The following ADGRG1 variants were observed in gnomAD, a reference collection of about 807,000 sequenced individuals.
ADGRG1 encodes the protein adhesion G protein-coupled receptor G1, also known as 7-transmembrane protein with no EGF-like N-terminal domains-1.
Under a neutral mutation model 73.5 loss-of-function variants are expected in ADGRG1, and 53 were observed. The ratio of observed to expected loss-of-function variants is 0.72; its 90% CI spans 0.58 to 0.91. The LOEUF (loss-of-function observed/expected upper bound fraction) is 0.91. Among genes scored for constraint, ADGRG1 ranks in the 40% least tolerant of loss-of-function variants. ADGRG1 has a pLI of 0.00. For synonymous variants in ADGRG1, 394 were observed against 374.4 expected (o/e 1.05, Z -0.60); for missense variants, 795 against 871.8 (o/e 0.91, Z 1.11).
intron 1 of ADGRG1, chr16:57,631,840 T>G: frequency 1.0e-6 from 1 of 982,250 alleles, no homozygotes; most frequent in African/African-American, 1.7e-5. Context: ...CTGGGGCTCC[T>G]TGAGGCCCCC....
chr16:57,622,334 T>C (rs1308132837), intron 2 of ADGRG1, among the ~76,000 whole-genome samples: 3 of 151,930 alleles, frequency 2.0e-5, no homozygotes, highest in African/African-American at 7.3e-5. Flanking sequence ...CTGGGTGGCG[T>C]CTAGGTGGAG....
rs141056936 is a variant in ADGRG1 at position 57,655,431 on chromosome 16, G to C, written c.801G>C (p.Val267=). 6.3e-5 allele frequency: 102 copies of C among 1,613,594 alleles called. No individual in the cohort carries two copies. The highest frequency in any genetic ancestry group is 7.5e-5 in the Non-Finnish European group (89 of 1,180,018). The stretch of plus-strand genomic sequence containing the variant: ...AGAGCGAGATCATGGAGTACTCGGT[G>C]CTGCTGCCTCGAACACTCTTCCAGA... ...EEQSEIMEYS[V]LLPRTLFQRT... is the part of the protein sequence containing the mutation. The change falls in exon 6 of 14, where the codon GTG becomes GTC. Residue 267 remains valine, a synonymous_variant. Coordinates refer to ENST00000562631, the MANE Select transcript of ADGRG1 (RefSeq NM_201525.4).
At chr16:57,630,288 C>A in intron 1 of ADGRG1, 1 of 853,148 alleles carries the variant, frequency 1.2e-6, no homozygotes, top group African/African-American at 1.8e-5. Flanking sequence ...GTTGGCTCCC[C>A]AGAGCCCAGG....
chr16:57,636,648 G>T, intron 1 of ADGRG1: 1 of 985,218 alleles, frequency 1.0e-6, no homozygotes, highest in Non-Finnish European at 1.2e-6. Flanking sequence ...GTATCTATCA[G>T]GAATGGCTCC....
chr16:57,636,871 G>A (rs2147545262), intron 1 of ADGRG1: 1 of 171,208 alleles, frequency 5.8e-6, no homozygotes, highest in South Asian at 1.9e-4. Context: ...TCAATGTTGG[G>A]TGCCAATACG....
At chr16:57,642,617 C>T (rs1316478523) in intron 1 of ADGRG1, 1 of 983,032 alleles carries the variant, frequency 1.0e-6, no homozygotes, top group African/African-American at 1.7e-5. Context: ...TAATATACAA[C>T]AGAAAGTATG....
At chr16:57,643,895 TG>T in intron 1 of ADGRG1, 5 of 255,114 alleles carry the variant, frequency 2.0e-5, no homozygotes, top group Non-Finnish European at 2.2e-5. Context: ...GGCTGAGGGG[TG>T]GGGGGACTGG....
chr16:57,656,123 C>G, intron 7 of ADGRG1, 103 bp from the exon 8 acceptor site: 1 of 1,613,078 alleles, frequency 6.2e-7, no homozygotes, highest in Non-Finnish European at 8.5e-7. Flanking sequence ...CCAAATGGGG[C>G]GGGTGGTGGC....
intron 1 of ADGRG1, chr16:57,641,313 G>C: frequency 1.0e-6 from 1 of 985,426 alleles, no homozygotes; most frequent in African/African-American, 1.7e-5. Context: ...ACTGACTGGT[G>C]TGTGCCCTGG....
chr16:57,660,030 C>A (rs1275495510), intron 11 of ADGRG1, among the ~76,000 whole-genome samples: 1 of 152,194 alleles, frequency 6.6e-6, no homozygotes, highest in Admixed American at 6.5e-5. Flanking sequence ...TCATTTAATT[C>A]ACTCGGGCTG....
chr16:57,650,445 A>G, intron 2 of ADGRG1, 94 bp downstream of exon 2: 1 of 1,605,934 alleles, frequency 6.2e-7, no homozygotes, highest in Non-Finnish European at 8.5e-7. Context: ...TAACTCCTTT[A>G]GGCAGTTACA....
chr16:57,650,495 C>T (rs1020757519), intron 2 of ADGRG1, 144 bp downstream of exon 2: 23 of 1,469,536 alleles, frequency 1.6e-5, no homozygotes, highest in Admixed American at 1.1e-4. Context: ...AAGCAAAAGA[C>T]ACTCCTTCCT....
At chr16:57,638,798 G>A (rs1424400484) in intron 1 of ADGRG1, among the ~76,000 whole-genome samples, 5 of 152,102 alleles carry the variant, frequency 3.3e-5, no homozygotes, top group Non-Finnish European at 7.4e-5. Context: ...TGGGCCAGGC[G>A]CGGTGGCTCA....
chr16:57,659,132 C>G, intron 10 of ADGRG1: 3 of 985,268 alleles, frequency 3.0e-6, no homozygotes, highest in South Asian at 9.4e-5. Flanking sequence ...TTGAGAGTAT[C>G]TGGTTTATTA....
In ADGRG1 at chr16:57,659,538, C is replaced by T. The variant is rs776762069; in HGVS notation, c.1412C>T (p.Ala471Val). The change falls in exon 11 of 14, where the codon GCC (alanine) becomes GTC (valine). Residue 471 changes from alanine (A) to valine (V), a missense_variant. By Grantham distance (64) the Ala-to-Val change is moderately conservative (BLOSUM62 0). Coordinates refer to ENST00000562631, the MANE Select transcript of ADGRG1 (RefSeq NM_201525.4). ...ALTGSEAGCR[A>V]SAIFLHFSLL... is the part of the protein sequence containing the mutation. ...ACAGGCTCTGAGGCTGGCTGCCGAG[C>T]CAGTGCCATCTTCCTGCACTTCTCC... 2 of 1,614,086 alleles carry T rather than the reference C, an allele frequency of 1.2e-6. No individual in the cohort carries two copies. The highest frequency in any genetic ancestry group is 3.3e-5 in the Admixed American group (2 of 60,030).
At chr16:57,656,738 G>A in intron 9 of ADGRG1, 121 bp downstream of exon 9, 1 of 762,072 alleles carries the variant, frequency 1.3e-6, no homozygotes, top group Non-Finnish European at 2.4e-6. Flanking sequence ...AGCTTCTATT[G>A]TTGTCCCATT....
At chr16:57,644,702 G>A (rs377617240) in intron 1 of ADGRG1, among the ~76,000 whole-genome samples, 7 of 126,934 alleles carry the variant, frequency 5.5e-5, no homozygotes, top group Non-Finnish European at 1.1e-4. Flanking sequence ...ACACATGCAC[G>A]GGCACACACT....
At chr16:57,647,745 G>A in intron 1 of ADGRG1, 6 of 973,930 alleles carry the variant, frequency 6.2e-6, no homozygotes, top group Non-Finnish European at 7.3e-6. Flanking sequence ...CCACCTTGGA[G>A]TAGTTGTTCA....
chr16:57,658,665 A>G (rs2046333009), intron 10 of ADGRG1, among the ~76,000 whole-genome samples: 1 of 152,168 alleles, frequency 6.6e-6, no homozygotes, highest in Non-Finnish European at 1.5e-5. Context: ...AGTCCTCAAC[A>G]CCCAGTTGCT....
Sources: gnomAD v4.1 joint callset for allele counts (sites outside exome capture counted in the v4.1 genomes callset) on GRCh38, gnomAD v4.1.1 for gene constraint, MANE v1.5 for transcripts, NCBI Gene and HGNC (gene_info 2026-07-23, HGNC 2026-07-21) for gene names.